The following AK9 variants were observed in gnomAD, a reference collection of about 807,000 sequenced individuals.
The protein encoded by AK9 is adenylate kinase domain containing 1.
Under a neutral mutation model 239.6 loss-of-function variants are expected in AK9, and 191 were observed. The ratio of observed to expected loss-of-function variants is 0.80; its 90% CI spans 0.71 to 0.90. The LOEUF (loss-of-function observed/expected upper bound fraction) is 0.90, where lower values mean the gene tolerates loss of function less well. Among genes scored for constraint, AK9 ranks in the 40% least tolerant of loss-of-function variants. The pLI is 0.00. For missense variants in AK9, 1,995 were observed against 2,214.7 expected (o/e 0.90, Z 1.99); for synonymous variants, 689 against 721.0 (o/e 0.96, Z 0.71).
chr6:109,530,278 T>C (rs1781057983), intron 28 of AK9, among the ~76,000 whole-genome samples: 2 of 152,152 alleles, frequency 1.3e-5, no homozygotes, highest in Admixed American at 1.3e-4. Flanking sequence ...GGTGCTTTCA[T>C]CTGGTTGCTA....
intron 5 of AK9, among the ~76,000 whole-genome samples, chr6:109,663,630 G>T (rs1800759771): frequency 6.6e-6 from 1 of 152,208 alleles, no homozygotes; most frequent in Admixed American, 6.5e-5. Flanking sequence ...GTATAGTAAA[G>T]TGTGTCAACA....
intron 29 of AK9, among the ~76,000 whole-genome samples, chr6:109,524,731 A>T (rs929948400): frequency 6.6e-6 from 1 of 152,236 alleles, no homozygotes; most frequent in Non-Finnish European, 1.5e-5. Context: ...TATAAACATT[A>T]GAACTATTTC....
chr6:109,622,842 A>T (rs1414240213), intron 12 of AK9, among the ~76,000 whole-genome samples: 1 of 151,992 alleles, frequency 6.6e-6, no homozygotes, highest in Non-Finnish European at 1.5e-5. Flanking sequence ...CAGAATTGGC[A>T]GTTCAAAGGA....
chr6:109,641,665 A>C, intron 9 of AK9, 49 bp from the exon 10 acceptor site: 1,027 of 1,463,172 alleles, frequency 7.0e-4, no homozygotes, highest in Non-Finnish European at 8.8e-4. Context: ...TGAATATCTC[A>C]AATACTCTGA....
intron 5 of AK9, among the ~76,000 whole-genome samples, chr6:109,665,463 C>T (rs1272395523): frequency 5.3e-5 from 7 of 131,834 alleles, no homozygotes; most frequent in African/African-American, 1.8e-4. Context: ...CTACCTGCCT[C>T]TTCTTGTTGT....
Position 109,564,802 on chromosome 6 carries a change from T to C in AK9, c.2388A>G (p.Pro796=), listed in dbSNP as rs7757895. 0.23 allele frequency: 348,826 copies of C among 1,541,702 alleles called. 41,564 individuals are homozygous for C. The highest frequency in any genetic ancestry group is 0.31 in the South Asian group (25,497 of 82,284). ...TTTCCAGGCCCTCTTTGGATCCTTT[T>C]GGGATTTCTGTTTCCACTGTAGTTT... ...IEETTVETEI[P]KGSKEGLEIE... Residue 796 remains proline, a synonymous_variant, in exon 22 of 41, where the codon CCA becomes CCG. Coordinates refer to ENST00000424296, the MANE Select transcript of AK9 (RefSeq NM_001145128.3).
At chr6:109,625,841 C>T (rs578108968) in intron 12 of AK9, among the ~76,000 whole-genome samples, 1 of 152,178 alleles carries the variant, frequency 6.6e-6, no homozygotes, top group East Asian at 1.9e-4. Context: ...GCTTCTTGGA[C>T]CTGTAAGTCA....
rs1399182278 is a variant in AK9, at chr6:109,493,254, T to TG, written c.*114dup. 1.9e-6 allele frequency: 2 copies of TG among 1,078,206 alleles called. No individual in the cohort carries two copies. Among genetic ancestry groups the TG allele is most frequent in the Non-Finnish European group, 2.7e-6 (2 of 742,636 alleles). 66.8% of individuals were successfully genotyped at this position (1,078,206 alleles called of 1,614,324 possible). On this transcript the variant is annotated 3_prime_UTR_variant, in exon 41 of 41. Coordinates refer to ENST00000424296, the MANE Select transcript of AK9 (RefSeq NM_001145128.3). ...CTGAAGTCTGGCAGCCATGGTACCT[T>TG]GCTCAGGAGGCAAAAGTACTTCCAA...
chr6:109,531,925 C>A (rs1464020592), intron 28 of AK9, among the ~76,000 whole-genome samples: 3 of 152,174 alleles, frequency 2.0e-5, no homozygotes, highest in Non-Finnish European at 4.4e-5. Context: ...TGGCCTGGGA[C>A]ATGCAACCTT....
At chr6:109,681,152 A>C (rs1002075414) in intron 1 of AK9, among the ~76,000 whole-genome samples, 4 of 152,226 alleles carry the variant, frequency 2.6e-5, no homozygotes, top group Admixed American at 2.6e-4. Flanking sequence ...ACAGACTGGC[A>C]AACTGGATAA....
At chr6:109,493,675 G>C in intron 40 of AK9, 104 bp from the exon 41 acceptor site, 1 of 1,024,492 alleles carries the variant, frequency 9.8e-7, no homozygotes, top group East Asian at 2.5e-5. Flanking sequence ...AGTTATGGTT[G>C]AGAAGATATC....
At chr6:109,549,301 C>G (rs182327751) in intron 25 of AK9, among the ~76,000 whole-genome samples, 1 of 152,188 alleles carries the variant, frequency 6.6e-6, no homozygotes, top group Non-Finnish European at 1.5e-5. Flanking sequence ...ACCCCTATAA[C>G]AATTCTCTGA....
intron 1 of AK9, among the ~76,000 whole-genome samples, 157 bp from the exon 2 acceptor site, chr6:109,675,913 AT>A (rs1771671142): frequency 6.6e-6 from 1 of 152,086 alleles, no homozygotes; most frequent in Non-Finnish European, 1.5e-5. Context: ...AGTTTAACTC[AT>A]TTATAAAAAC....
At chr6:109,590,199 CT>C (rs1790038458) in intron 17 of AK9, among the ~76,000 whole-genome samples, 1 of 151,982 alleles carries the variant, frequency 6.6e-6, no homozygotes, top group African/African-American at 2.4e-5. Context: ...TGGCCCTGGG[CT>C]TTTTTGTTAC....
intron 17 of AK9, among the ~76,000 whole-genome samples, chr6:109,605,984 C>A (rs989594502): frequency 6.6e-6 from 1 of 151,738 alleles, no homozygotes; most frequent in Admixed American, 6.6e-5. Flanking sequence ...AGGACAAGGG[C>A]CCCTGAGAAG....
chr6:109,542,416 CTATAGTTAG>C (rs1783016730), intron 26 of AK9, among the ~76,000 whole-genome samples: 1 of 152,062 alleles, frequency 6.6e-6, no homozygotes, highest in Non-Finnish European at 1.5e-5. Flanking sequence ...CAGAGGGAAA[CTATAGTTAG>C]TAACAATGTA....
chr6:109,579,634 G>A lies in AK9; in HGVS notation c.2115-8C>T, dbSNP rs370818368. 5 of 1,549,530 alleles carry A rather than the reference G, an allele frequency of 3.2e-6. No individual in the cohort carries two copies. The African/African-American group carries it at 4.1e-5, about 13-fold the overall frequency. On this transcript the variant is annotated splice_region_variant and splice_polypyrimidine_tract_variant and intron_variant, in intron 19 of 40. Transcript: ENST00000424296. ...TCCTCTTCTGTGGCTTTTCTGAAATGAAAAGGTTCAAATTTAATTATCTTT... is the reference window on the plus strand; with the variant it reads ...TCCTCTTCTGTGGCTTTTCTGAAATAAAAAGGTTCAAATTTAATTATCTTT...
chr6:109,614,472 C>T lies in AK9; in HGVS notation c.1408G>A (p.Ala470Thr). The change falls in exon 14 of 41, where the codon GCT (alanine) becomes ACT (threonine). Residue 470 changes from alanine (A) to threonine (T), a missense_variant. Around this residue, in one of 5 missense-constraint regions of AK9, gnomAD observed 1,290 missense variants for 1,392.7 expected, o/e 0.93. Transcript: ENST00000424296. Reference protein sequence around the residue: ...ELQARKQAETALREFQRQYEK... With the variant: ...ELQARKQAETTLREFQRQYEK... Reference sequence around the variant, plus strand: ...TATTGCCTTTGAAATTCTCTTAAAGCTGTTTCAGCTGAAATATAACAATGG... The same window carrying T: ...TATTGCCTTTGAAATTCTCTTAAAGTTGTTTCAGCTGAAATATAACAATGG... 6 of 1,550,926 alleles carry T rather than the reference C, an allele frequency of 3.9e-6. No homozygotes were observed. Among genetic ancestry groups the T allele is most frequent in the Non-Finnish European group, 5.2e-6 (6 of 1,146,576 alleles).
In AK9 at chr6:109,516,059, T is replaced by C. The variant is rs1156900629; in HGVS notation, c.3863A>G (p.Tyr1288Cys). ...ATTAATGGAAATTATTGGTATCAAA[T>C]ACCTCTCAAGTTCATCCTGATAAGA... ...LQIIQDELERYLIPIISINGA... is the reference protein window; with the variant it reads ...LQIIQDELERCLIPIISINGA... Residue 1288 changes from tyrosine (Y) to cysteine (C), a missense_variant, in exon 31 of 41, where the codon TAT becomes TGT. Tyr to Cys is a radical substitution (Grantham distance 194, BLOSUM62 -2). Around this residue, in one of 5 missense-constraint regions of AK9, gnomAD observed 1,290 missense variants for 1,392.7 expected, o/e 0.93. Transcript: ENST00000424296. 3 of 1,549,526 alleles carry C rather than the reference T, an allele frequency of 1.9e-6. No homozygotes were observed. Among genetic ancestry groups the C allele is most frequent in the Non-Finnish European group, 2.6e-6 (3 of 1,145,134 alleles).
Sources: allele counts gnomAD v4.1 joint callset (sites outside exome capture counted in the v4.1 genomes callset), GRCh38; gene constraint gnomAD v4.1.1; regional missense constraint gnomAD v4.1.1; transcripts MANE v1.5; gene names NCBI Gene and HGNC (gene_info 2026-07-23, HGNC 2026-07-21).